The following NEDD4L variants were observed in gnomAD, a reference collection of about 807,000 sequenced individuals.
The protein encoded by NEDD4L is E3 ubiquitin-protein ligase NEDD4-like.
Under a neutral mutation model 148.9 loss-of-function variants are expected in NEDD4L, and 54 were observed. That is an observed-to-expected ratio of 0.36 (90% CI 0.29 to 0.45). The LOEUF (loss-of-function observed/expected upper bound fraction) is 0.45. NEDD4L is among the 20% of genes least tolerant of loss of function. The pLI is 1.00. For synonymous variants in NEDD4L, 433 were observed against 440.7 expected, an observed-to-expected ratio of 0.98 and a Z score of 0.22; for missense variants, 856 against 1,233.8, an observed-to-expected ratio of 0.69 and a Z score of 4.59.
At chr18:58,220,582 A>C (rs2043633713) in intron 2 of NEDD4L, among the ~76,000 whole-genome samples, 1 of 152,038 alleles carries the variant, frequency 6.6e-6, no homozygotes, top group African/African-American at 2.4e-5. Flanking sequence ...CGCTGGGGGG[A>C]ACTGCAAGTC....
intron 1 of NEDD4L, among the ~76,000 whole-genome samples, chr18:58,107,472 CT>C (rs1448453812): frequency 1.3e-5 from 2 of 152,136 alleles, no homozygotes; most frequent in African/African-American, 4.8e-5. Context: ...AATCCCAGCA[CT>C]TTTGGAGGCC....
At chr18:58,333,395 TAATC>T (rs1459997867) in intron 11 of NEDD4L, among the ~76,000 whole-genome samples, 1 of 152,194 alleles carries the variant, frequency 6.6e-6, no homozygotes, top group Non-Finnish European at 1.5e-5. Flanking sequence ...TCAATTGTAG[TAATC>T]AATAAATGTT....
chr18:58,390,753 T>A lies in NEDD4L; in HGVS notation c.2752+11T>A. On this transcript the variant is annotated intron_variant, in intron 29 of 30. Coordinates refer to ENST00000400345, the MANE Select transcript of NEDD4L (RefSeq NM_001144967.3). ...TTGCCGAACTTTATGGTGAGCAGGATACCATTGGATTCAGTTGTCCTCCTG... is the reference window on the plus strand; with the variant it reads ...TTGCCGAACTTTATGGTGAGCAGGAAACCATTGGATTCAGTTGTCCTCCTG... 1 of 1,560,734 alleles carries A rather than the reference T, an allele frequency of 6.4e-7. No homozygotes were observed. Among genetic ancestry groups the A allele is most frequent in the Non-Finnish European group, 8.7e-7 (1 of 1,144,096 alleles).
intron 1 of NEDD4L, among the ~76,000 whole-genome samples, chr18:58,104,205 A>G (rs1185038293): frequency 6.6e-6 from 1 of 152,256 alleles, no homozygotes; most frequent in East Asian, 1.9e-4. Flanking sequence ...GAAAGAAGCC[A>G]GATACAAAGG....
At chr18:58,277,293 A>G (rs560622350) in intron 5 of NEDD4L, among the ~76,000 whole-genome samples, 59 of 152,272 alleles carry the variant, frequency 3.9e-4, no homozygotes, top group African/African-American at 1.4e-3. Context: ...CAAATAAAAT[A>G]GAGGATAGTA....
intron 2 of NEDD4L, among the ~76,000 whole-genome samples, chr18:58,180,241 C>G (rs917805471): frequency 6.6e-6 from 1 of 152,212 alleles, no homozygotes; most frequent in Non-Finnish European, 1.5e-5. Context: ...AGAACCACCC[C>G]CTTCTCCCTC....
chr18:58,264,573 CTTG>C (rs1046661382), intron 5 of NEDD4L, among the ~76,000 whole-genome samples: 1 of 151,952 alleles, frequency 6.6e-6, no homozygotes, highest in African/African-American at 2.4e-5. Flanking sequence ...CATGTGATAT[CTTG>C]TTAACATGCA....
intron 30 of NEDD4L, among the ~76,000 whole-genome samples, 190 bp downstream of exon 30, chr18:58,391,749 T>G (rs1400260781): frequency 6.6e-6 from 1 of 152,242 alleles, no homozygotes; most frequent in Non-Finnish European, 1.5e-5. Flanking sequence ...TCAGTATGTT[T>G]GGCACATAAA....
At chr18:58,108,324 T>A (rs1409250468) in intron 1 of NEDD4L, among the ~76,000 whole-genome samples, 1 of 152,236 alleles carries the variant, frequency 6.6e-6, no homozygotes, top group Non-Finnish European at 1.5e-5. Context: ...AACTCCAAAA[T>A]TGTTTTAATC....
At chr18:58,247,853 A>G (rs1480069892) in intron 3 of NEDD4L, among the ~76,000 whole-genome samples, 2 of 152,214 alleles carry the variant, frequency 1.3e-5, no homozygotes, top group Non-Finnish European at 2.9e-5. Flanking sequence ...CCTTGGCTTC[A>G]TTCACATGGG....
intron 2 of NEDD4L, among the ~76,000 whole-genome samples, chr18:58,192,733 A>G (rs1907806594): frequency 6.6e-6 from 1 of 152,148 alleles, no homozygotes; most frequent in Non-Finnish European, 1.5e-5. Context: ...CCATCTATTT[A>G]TGTCGAAAGG....
chr18:58,179,802 A>G (rs1369252399), intron 2 of NEDD4L, among the ~76,000 whole-genome samples: 3 of 151,980 alleles, frequency 2.0e-5, no homozygotes, highest in Admixed American at 1.3e-4. Flanking sequence ...CTGATTCTAT[A>G]TTATGAAGAG....
At chr18:58,341,873 T>C in intron 15 of NEDD4L, 76 bp downstream of exon 15, 3 of 1,526,642 alleles carry the variant, frequency 2.0e-6, no homozygotes, top group South Asian at 2.4e-5. Context: ...TAACTCTGCC[T>C]TCAGTTTCGC....
chr18:58,318,129 GGGC>G (rs2058454494), intron 6 of NEDD4L, among the ~76,000 whole-genome samples: 1 of 152,196 alleles, frequency 6.6e-6, no homozygotes, highest in Admixed American at 6.5e-5. Flanking sequence ...AGTGTGGAGA[GGGC>G]GGGAGCATAT....
chr18:58,156,230 C>T (rs950565567), intron 1 of NEDD4L, among the ~76,000 whole-genome samples: 7 of 152,216 alleles, frequency 4.6e-5, no homozygotes, highest in African/African-American at 1.7e-4. Context: ...TTGTAAACAT[C>T]TCTTGGAGAG....
Position 58,396,305 on chromosome 18 carries a change from A to AGAACTTGCTTGAAG in NEDD4L, c.*36_*37insGAACTTGCTTGAAG. 7.0e-7 allele frequency: 1 copy of AGAACTTGCTTGAAG among 1,423,884 alleles called. No individual in the cohort carries two copies. The highest frequency in any genetic ancestry group is 9.9e-7 in the Non-Finnish European group (1 of 1,014,696). 88.2% of individuals were successfully genotyped at this position (1,423,884 alleles called of 1,614,324 possible). Reference sequence around the variant, plus strand: ...CCTCGGGGGTGGTTGTTCTTCAAGCAAGTTCTGCTTGCACTTTTGCATTTG... The same window carrying AGAACTTGCTTGAAG: ...CCTCGGGGGTGGTTGTTCTTCAAGCAGAACTTGCTTGAAGAGTTCTGCTTGCACTTTTGCATTTG... On this transcript the variant is annotated 3_prime_UTR_variant, in exon 31 of 31. Coordinates refer to ENST00000400345, the MANE Select transcript of NEDD4L (RefSeq NM_001144967.3).
intron 5 of NEDD4L, among the ~76,000 whole-genome samples, chr18:58,286,171 C>T (rs2053877638): frequency 6.6e-6 from 1 of 152,182 alleles, no homozygotes; most frequent in South Asian, 2.1e-4. Context: ...ACATAGCCAA[C>T]TATGAATTAT....
At chr18:58,284,466 A>T (rs2053610264) in intron 5 of NEDD4L, among the ~76,000 whole-genome samples, 1 of 152,228 alleles carries the variant, frequency 6.6e-6, no homozygotes, top group Non-Finnish European at 1.5e-5. Context: ...TGTCTTTATT[A>T]TACTGTCACA....
intron 5 of NEDD4L, among the ~76,000 whole-genome samples, chr18:58,297,861 T>G (rs192599458): frequency 3.4e-4 from 52 of 152,298 alleles, no homozygotes; most frequent in African/African-American, 1.1e-3. Flanking sequence ...TTTGACTGTT[T>G]CCTATTCCAT....
Sources: gnomAD v4.1 joint callset for allele counts (sites outside exome capture counted in the v4.1 genomes callset) on GRCh38, gnomAD v4.1.1 for gene constraint, MANE v1.5 for transcripts, NCBI Gene and HGNC (gene_info 2026-07-23, HGNC 2026-07-21) for gene names.